UGT2B11: variants seen among roughly 807,000 people sequenced by gnomAD.
UGT2B11 encodes UDP-glucuronosyltransferase 2B11.
UGT2B11 carries 49 observed loss-of-function variants against 51.7 expected under a neutral mutation model. The observed-to-expected ratio is 0.95, with a 90% CI of 0.75 to 1.20. UGT2B11 has a LOEUF of 1.20. Ranked by LOEUF, UGT2B11 falls within the 50% of genes most tolerant of loss-of-function variation. The pLI, the probability that UGT2B11 is intolerant of heterozygous loss-of-function variation, is 0.00. For missense variants in UGT2B11, 810 were observed against 622.1 expected (o/e 1.30, Z -3.21); for synonymous variants, 273 against 209.0 (o/e 1.31, Z -2.64).
chr4:69,206,999 T>A (rs1157899287), intron 3 of UGT2B11, among the ~76,000 whole-genome samples: 1 of 151,670 alleles, frequency 6.6e-6, no homozygotes, highest in African/African-American at 2.4e-5. Flanking sequence ...TCAAGCACTA[T>A]TTCCCAGAAA....
chr4:69,205,126 G>A (rs1357847197), intron 4 of UGT2B11, among the ~76,000 whole-genome samples: 2 of 151,650 alleles, frequency 1.3e-5, no homozygotes, highest in South Asian at 2.1e-4. Flanking sequence ...AGTTACTGGT[G>A]ATAGAAGAGC....
intron 5 of UGT2B11, among the ~76,000 whole-genome samples, chr4:69,201,789 A>C (rs1442737848): frequency 2.0e-5 from 3 of 151,798 alleles, no homozygotes; most frequent in Non-Finnish European, 4.4e-5. Flanking sequence ...TAAATGATTT[A>C]TATATCTCAT....
chr4:69,217,330 T>A (rs1281211374), upstream of UGT2B11, among the ~76,000 whole-genome samples: 1 of 152,188 alleles, frequency 6.6e-6, no homozygotes, highest in Non-Finnish European at 1.5e-5. Context: ...GTTTTTATTC[T>A]ATTAATAATC....
At chr4:69,216,507 T>G (rs2109958638), upstream of UGT2B11, 1 of 151,578 alleles carries the variant, frequency 6.6e-6, no homozygotes, top group South Asian at 2.1e-4. Context: ...CTGAGCAAGT[T>G]CATCAAGTAT....
chr4:69,212,703 A>C lies in UGT2B11; in HGVS notation c.740T>G (p.Phe247Cys). 1.2e-6 allele frequency: 2 copies of C among 1,609,136 alleles called. No individual in the cohort carries two copies. The highest frequency in any genetic ancestry group is 1.1e-5 in the South Asian group (1 of 90,294). ...SEVLGRPTTL[F>C]ETMGKADIWL... ...TATGTCAGCTTTTCCCATTGTCTCA[A>C]ATAAGGTAGTGGGTCTTCCTGACAG... is the stretch of plus-strand genomic sequence containing the variant. Residue 247 changes from phenylalanine (F) to cysteine (C), a missense_variant, in exon 2 of 6, where the codon TTT becomes TGT. Coordinates refer to ENST00000446444, the MANE Select transcript of UGT2B11 (RefSeq NM_001073.3).
At chr4:69,215,042 T>C, upstream of UGT2B11, 2 of 248,498 alleles carry the variant, frequency 8.0e-6, no homozygotes, top group Non-Finnish European at 1.5e-5. Flanking sequence ...GCAGAGCCCT[T>C]GACACAGAAT....
At chr4:69,222,804 G>A in the UGT2B11 span, among the ~76,000 whole-genome samples, 5 of 152,182 alleles carry the variant, frequency 3.3e-5, no homozygotes, top group African/African-American at 9.7e-5. Context: ...GCACATGAAT[G>A]GGCCCAAATT....
At chr4:69,205,204 C>G (rs533514703) in intron 4 of UGT2B11, among the ~76,000 whole-genome samples, 1 of 151,530 alleles carries the variant, frequency 6.6e-6, no homozygotes, top group African/African-American at 2.4e-5. Context: ...ATTGTAGAAA[C>G]AGGAGACAGA....
chr4:69,208,368 C>T lies in UGT2B11; in HGVS notation c.985G>A (p.Ala329Thr), dbSNP rs751322242. 8.1e-6 allele frequency: 13 copies of T among 1,611,022 alleles called. No homozygotes were observed. Among genetic ancestry groups the T allele is most frequent in the Non-Finnish European group, 1.0e-5 (12 of 1,178,064 alleles). The change falls in exon 3 of 6, where the codon GCC becomes ACC. Residue 329 changes from alanine to threonine, a missense_variant. Ala to Thr is a moderately conservative substitution (Grantham distance 58, BLOSUM62 0). Coordinates refer to ENST00000446444, the MANE Select transcript of UGT2B11 (RefSeq NM_001073.3). Reference protein sequence around the residue: ...ERANVIATALAKIPQKVLWRF... With the variant: ...ERANVIATALTKIPQKVLWRF... ...TATCTTACCTTTTGTGGGATCTTGG[C>T]AAGGGCTGTTGCAATTACATTGGCC...
the UGT2B11 span, among the ~76,000 whole-genome samples, chr4:69,220,205 C>T: frequency 3.9e-5 from 6 of 152,118 alleles, no homozygotes; most frequent in African/African-American, 1.4e-4. Flanking sequence ...TGACTCCATG[C>T]CTCAAATACA....
At chr4:69,201,494 TG>T (rs1361919926) in intron 5 of UGT2B11, among the ~76,000 whole-genome samples, 31 of 151,980 alleles carry the variant, frequency 2.0e-4, no homozygotes, top group African/African-American at 7.2e-4. Context: ...CGTAAGACAC[TG>T]GCAAGCTTTT....
At chr4:69,212,527 T>C (rs752889763) in intron 2 of UGT2B11, 46 bp downstream of exon 2, 1 of 1,587,966 alleles carries the variant, frequency 6.3e-7, no homozygotes, top group Non-Finnish European at 8.5e-7. Flanking sequence ...TCATTTCTAC[T>C]GAAACTTCGA....
In UGT2B11 at chr4:69,207,918, T is replaced by C. The variant is rs143901515; in HGVS notation, c.1002+433A>G. 5.0e-3 allele frequency among the ~76,000 whole-genome samples: 754 copies of C among 151,782 alleles called. 7 individuals carry two copies. The highest frequency in any genetic ancestry group is 0.015 in the African/African-American group (639 of 41,484). On this transcript the variant is annotated intron_variant, in intron 3 of 5. Transcript: ENST00000446444. The stretch of plus-strand genomic sequence containing the variant: ...AGTCTTCCTTGTATTTCTACAAAGA[T>C]GCAGTTCTGGATATATATTTTTAGT...
intron 2 of UGT2B11, 144 bp downstream of exon 2, chr4:69,212,429 T>G: frequency 6.5e-6 from 9 of 1,394,306 alleles, no homozygotes; most frequent in Non-Finnish European, 7.8e-6. Flanking sequence ...AACATATACA[T>G]GAGTTTCTAA....
At chr4:69,223,638 T>C in the UGT2B11 span, among the ~76,000 whole-genome samples, 1 of 152,050 alleles carries the variant, frequency 6.6e-6, no homozygotes, top group Admixed American at 6.5e-5. Context: ...AAAATTGTCC[T>C]TCAAGGAGAA....
intron 5 of UGT2B11, among the ~76,000 whole-genome samples, chr4:69,201,954 C>A (rs1721675293): frequency 6.6e-6 from 1 of 151,806 alleles, no homozygotes; most frequent in Non-Finnish European, 1.5e-5. Context: ...AACCTGCCTA[C>A]AATAATTCTC....
intron 5 of UGT2B11, among the ~76,000 whole-genome samples, chr4:69,202,465 T>C (rs1721695442): frequency 6.6e-6 from 1 of 151,718 alleles, no homozygotes; most frequent in South Asian, 2.1e-4. Context: ...TTCATGATAT[T>C]GAATCTTTTA....
intron 3 of UGT2B11, among the ~76,000 whole-genome samples, chr4:69,207,245 C>T (rs536707219): frequency 7.2e-5 from 11 of 151,744 alleles, no homozygotes; most frequent in Admixed American, 3.3e-4. Context: ...CCAAGACATT[C>T]TTATTTTAAG....
upstream of UGT2B11, among the ~76,000 whole-genome samples, chr4:69,219,036 C>G (rs1722342154): frequency 6.6e-6 from 1 of 152,100 alleles, no homozygotes; most frequent in South Asian, 2.1e-4. Context: ...CTGTAGTATT[C>G]AGGCACCCCA....
Sources: gnomAD v4.1 joint callset for allele counts (sites outside exome capture counted in the v4.1 genomes callset) on GRCh38, gnomAD v4.1.1 for gene constraint, MANE v1.5 for transcripts, NCBI Gene and HGNC (gene_info 2026-07-23, HGNC 2026-07-21) for gene names.